KIF14: variants seen among roughly 807,000 people sequenced by gnomAD.
KIF14 encodes the protein kinesin family member 14, also known as kinesin-like protein KIF14.
Under a neutral mutation model 176.2 loss-of-function variants are expected in KIF14, and 98 were observed. That is an observed-to-expected ratio of 0.56 (90% CI 0.47 to 0.66). The LOEUF is 0.66. Among genes scored for constraint, KIF14 ranks in the 30% least tolerant of loss-of-function variants. KIF14 has a pLI of 0.00. For synonymous variants in KIF14, 566 were observed against 632.2 expected (o/e 0.90, Z 1.57); for missense variants, 1,751 against 1,920.4 (o/e 0.91, Z 1.65).
At chr1:200,566,229 G>A (rs1485546748) in intron 23 of KIF14, among the ~76,000 whole-genome samples, 1 of 151,604 alleles carries the variant, frequency 6.6e-6, no homozygotes, top group Non-Finnish European at 1.5e-5. Flanking sequence ...CGTAACCACT[G>A]GGTTAATCTC....
intron 8 of KIF14, among the ~76,000 whole-genome samples, chr1:200,604,422 G>A (rs983907312): frequency 3.3e-5 from 5 of 151,812 alleles, no homozygotes; most frequent in African/African-American, 7.3e-5. Context: ...ATATTCACAC[G>A]GTCTACTGAA....
intron 9 of KIF14, 70 bp downstream of exon 9, chr1:200,603,769 T>C (rs1659739812): frequency 5.2e-6 from 5 of 953,038 alleles, no homozygotes; most frequent in Non-Finnish European, 8.5e-6. Context: ...GTGTATTCAG[T>C]TTGTATTCTC....
At chr1:200,563,717 C>T (rs1657286626) in intron 25 of KIF14, among the ~76,000 whole-genome samples, 1 of 152,072 alleles carries the variant, frequency 6.6e-6, no homozygotes, top group African/African-American at 2.4e-5. Context: ...TTATCTGCTC[C>T]TTTTGCATAT....
At chr1:200,564,512 C>A (rs1412279451) in intron 25 of KIF14, among the ~76,000 whole-genome samples, 2 of 152,128 alleles carry the variant, frequency 1.3e-5, no homozygotes, top group Admixed American at 1.3e-4. Flanking sequence ...TACAGCCAAA[C>A]CTAATCTTAT....
chr1:200,600,927 G>A (rs1439916335), intron 11 of KIF14, among the ~76,000 whole-genome samples: 1 of 152,180 alleles, frequency 6.6e-6, no homozygotes, highest in African/African-American at 2.4e-5. Flanking sequence ...GAGTCTCACT[G>A]TCTAGAGTGC....
intron 21 of KIF14, among the ~76,000 whole-genome samples, chr1:200,577,223 C>T (rs1177202426): frequency 1.3e-5 from 2 of 151,724 alleles, no homozygotes; most frequent in Admixed American, 1.3e-4. Context: ...ATTCAGAAAG[C>T]CAAGGAACAA....
At chr1:200,592,378 A>T in intron 15 of KIF14, 138 bp from the exon 16 acceptor site, 2 of 680,260 alleles carry the variant, frequency 2.9e-6, no homozygotes, top group Non-Finnish European at 4.7e-6. Flanking sequence ...AACATTTATT[A>T]CTTTTTTTTT....
In KIF14 at chr1:200,614,298, C is replaced by A. The variant is rs757995068; in HGVS notation, c.1455+20G>T. 1.5e-6 allele frequency: 2 copies of A among 1,320,808 alleles called. No individual in the cohort carries two copies. Among genetic ancestry groups the A allele is most frequent in the Admixed American group, 1.8e-5 (1 of 54,924 alleles). 81.8% of individuals were successfully genotyped at this position (1,320,808 alleles called of 1,614,324 possible). A position where few individuals can be genotyped will look rare whatever the true frequency, so the allele number is the denominator to read the frequency against. On this transcript the variant is annotated intron_variant, in intron 4 of 29. Transcript: ENST00000367350. ...ATTTTCTACTCTGAAAAGAAGCTTG[C>A]AGGTATTATAAGAACATACCTCTTG... is the stretch of plus-strand genomic sequence containing the variant.
chr1:200,577,358 A>C (rs1364998956), intron 21 of KIF14, among the ~76,000 whole-genome samples: 1 of 150,338 alleles, frequency 6.7e-6, no homozygotes, highest in Non-Finnish European at 1.5e-5. Context: ...AACAAAAATC[A>C]TGTTACCCAG....
At chr1:200,586,080 C>A in intron 19 of KIF14, 21 bp downstream of exon 19, 1 of 1,452,928 alleles carries the variant, frequency 6.9e-7, no homozygotes, top group Non-Finnish European at 9.2e-7. Context: ...AAAATGTTTG[C>A]TAAAATCAGC....
At chr1:200,593,969 C>T (rs533432696) in intron 14 of KIF14, among the ~76,000 whole-genome samples, 200 bp from the exon 15 acceptor site, 2 of 114,166 alleles carry the variant, frequency 1.8e-5, no homozygotes, top group East Asian at 2.6e-4. Flanking sequence ...CTTGCTCTGT[C>T]GCCCAGGCTG....
rs760081490 is a variant in KIF14, at chr1:200,590,132, G to A, written c.2954C>T (p.Ala985Val). 2 of 1,604,694 alleles carry A rather than the reference G, an allele frequency of 1.2e-6. No individual in the cohort carries two copies. Among genetic ancestry groups the A allele is most frequent in the African/African-American group, 1.3e-5 (1 of 74,202 alleles). ...ACTAATTCTGCCTTTTACCAGTTCT[G>A]CTTCCAGTGCTTTTATTTTGCTTTC... is the stretch of plus-strand genomic sequence containing the variant. ...AYESKIKALE[A>V]ELREESQRKK... is the part of the protein sequence containing the mutation. The change falls in exon 17 of 30, where the codon GCA becomes GTA. Residue 985 changes from alanine (A) to valine (V), a missense_variant. Transcript: ENST00000367350.
intron 26 of KIF14, among the ~76,000 whole-genome samples, chr1:200,560,478 G>C (rs903043522): frequency 1.3e-5 from 2 of 152,024 alleles, no homozygotes; most frequent in African/African-American, 4.8e-5. Context: ...TCGCCTATTG[G>C]CCAGGCTGAT....
In KIF14 at chr1:200,605,533, T is replaced by G. The variant is rs16846979; in HGVS notation, c.1639-143A>C. 2,141 of 546,614 alleles carry G rather than the reference T, an allele frequency of 3.9e-3. 26 individuals carry two copies. Among genetic ancestry groups the G allele is most frequent in the African/African-American group, 0.034 (1,724 of 50,960 alleles). 33.9% of individuals were successfully genotyped at this position (546,614 alleles called of 1,614,324 possible). On this transcript the variant is annotated intron_variant, in intron 7 of 29. Coordinates refer to ENST00000367350, the MANE Select transcript of KIF14 (RefSeq NM_014875.3). ...TATAAAAATTAAGAGAGATAACATA[T>G]ACACATTTGTAATTAATTTATAAAA...
At position 200,617,891 on chromosome 1, in the gene KIF14, G is replaced by A. The variant is rs942472187; in HGVS notation, c.833C>T (p.Pro278Leu). 6 of 1,613,940 alleles carry A rather than the reference G, an allele frequency of 3.7e-6. No homozygotes were observed. In the African/African-American group the frequency reaches 6.7e-5, roughly 18 times the overall value. Reference sequence around the variant, plus strand: ...TTTGTGTTCTGTTGTACATTTTGTAGGTGTTCTTTTTTCTAAGCTCCCAAA... The same window carrying A: ...TTTGTGTTCTGTTGTACATTTTGTAAGTGTTCTTTTTTCTAAGCTCCCAAA... ...NKFGSLEKRT[P>L]TKCTTEHKLT... is the part of the protein sequence containing the mutation. The change falls in exon 2 of 30, where the codon CCT (proline) becomes CTT (leucine). Residue 278 changes from proline to leucine, a missense_variant. Transcript: ENST00000367350.
At chr1:200,575,516 A>G (rs1222332128) in intron 22 of KIF14, 75 bp downstream of exon 22, 3 of 670,986 alleles carry the variant, frequency 4.5e-6, no homozygotes, top group South Asian at 6.9e-5. Context: ...TATATGATAT[A>G]CAATTTACAC....
intron 14 of KIF14, among the ~76,000 whole-genome samples, chr1:200,597,314 A>G (rs1399972139): frequency 6.6e-6 from 1 of 152,214 alleles, no homozygotes; most frequent in African/African-American, 2.4e-5. Context: ...CGTTAGAAAA[A>G]AAGATATTTA....
chr1:200,573,527 C>T (rs1404820529), intron 22 of KIF14, among the ~76,000 whole-genome samples: 1 of 150,294 alleles, frequency 6.7e-6, no homozygotes, highest in African/African-American at 2.5e-5. Context: ...TCCTCCGCCT[C>T]CCGGGTTCAC....
intron 21 of KIF14, among the ~76,000 whole-genome samples, chr1:200,579,722 T>C (rs2102648285): frequency 6.6e-6 from 1 of 152,246 alleles, no homozygotes; most frequent in East Asian, 1.9e-4. Flanking sequence ...AAAAAGCTCA[T>C]ATGTTTAGTT....
Sources: allele counts gnomAD v4.1 joint callset (sites outside exome capture counted in the v4.1 genomes callset), GRCh38; gene constraint gnomAD v4.1.1; transcripts MANE v1.5; gene names NCBI Gene and HGNC (gene_info 2026-07-23, HGNC 2026-07-21).